The following PTPRT variants were observed in gnomAD, a reference collection of about 807,000 sequenced individuals.
PTPRT encodes receptor-type tyrosine-protein phosphatase T.
Under a neutral mutation model 176.8 loss-of-function variants are expected in PTPRT, and 56 were observed. The observed-to-expected ratio is 0.32, with a 90% CI of 0.26 to 0.40. PTPRT has a LOEUF of 0.40. Among genes scored for constraint, PTPRT ranks in the 10% least tolerant of loss-of-function variants. The pLI is 1.00. For missense variants in PTPRT, 1,540 were observed against 1,908.2 expected, an observed-to-expected ratio of 0.81 and a Z score of 3.60; for synonymous variants, 783 against 739.0, an observed-to-expected ratio of 1.06 and a Z score of -0.96.
At chr20:43,143,121 TG>T (rs2146404557) in intron 1 of PTPRT, among the ~76,000 whole-genome samples, 1 of 152,284 alleles carries the variant, frequency 6.6e-6, no homozygotes, top group Admixed American at 6.5e-5. Context: ...TAAGGAACGG[TG>T]TTGATGAGCA....
At chr20:42,379,710 C>T (rs1481848382) in intron 9 of PTPRT, among the ~76,000 whole-genome samples, 1 of 152,234 alleles carries the variant, frequency 6.6e-6, no homozygotes, top group Non-Finnish European at 1.5e-5. Flanking sequence ...ATTGTAATTT[C>T]AAGGTAATTT....
chr20:42,109,956 A>G (rs1390787647), intron 23 of PTPRT, among the ~76,000 whole-genome samples: 6 of 152,136 alleles, frequency 3.9e-5, no homozygotes, highest in African/African-American at 1.4e-4. Flanking sequence ...CAGGAAGAGG[A>G]GTCTCTAAGA....
rs1278648858 is a variant in PTPRT, at chr20:42,617,466, G to A, written c.1153+60400C>T. 1.7e-4 allele frequency among the ~76,000 whole-genome samples: 22 copies of A among 132,726 alleles called. 3 individuals carry two copies. The highest frequency in any genetic ancestry group is 7.3e-4 in the African/African-American group (21 of 28,702). 87.1% of individuals were successfully genotyped at this position (132,726 alleles called of 152,430 possible). ...ATGCTGGCCTCATAAAATGAGTTAG[G>A]GAGGATTCCCTCTTTTTCTGTTGAT... On this transcript the variant is annotated intron_variant, in intron 7 of 30. Coordinates refer to ENST00000373187, the MANE Select transcript of PTPRT (RefSeq NM_007050.6).
At chr20:42,177,590 T>C (rs1476000545) in intron 16 of PTPRT, among the ~76,000 whole-genome samples, 3 of 152,220 alleles carry the variant, frequency 2.0e-5, no homozygotes, top group Admixed American at 1.3e-4. Context: ...TTGTTTTATA[T>C]AGTAGATTCC....
intron 6 of PTPRT, among the ~76,000 whole-genome samples, chr20:42,693,626 A>C (rs34890358): frequency 0.12 from 18,114 of 152,222 alleles, 1,324 homozygotes; most frequent in African/African-American, 0.19. Flanking sequence ...TGTATTCTCA[A>C]CAAAACAATT....
chr20:43,146,376 C>T (rs1295514129), intron 1 of PTPRT, among the ~76,000 whole-genome samples: 1 of 152,074 alleles, frequency 6.6e-6, no homozygotes, highest in Non-Finnish European at 1.5e-5. Context: ...CATCTCTAGA[C>T]CCTATGTAGT....
chr20:42,975,089 T>C (rs1485561797), intron 1 of PTPRT, among the ~76,000 whole-genome samples: 1 of 152,214 alleles, frequency 6.6e-6, no homozygotes, highest in African/African-American at 2.4e-5. Context: ...GGAAATAATC[T>C]GTGGAATATC....
intron 1 of PTPRT, among the ~76,000 whole-genome samples, chr20:42,923,925 G>A (rs925519405): frequency 6.6e-6 from 1 of 152,004 alleles, no homozygotes; most frequent in African/African-American, 2.4e-5. Context: ...GCTCACTGCA[G>A]CCTTCACCTC....
At chr20:42,219,577 A>G (rs1443379997) in intron 15 of PTPRT, among the ~76,000 whole-genome samples, 1 of 152,222 alleles carries the variant, frequency 6.6e-6, no homozygotes, top group Non-Finnish European at 1.5e-5. Flanking sequence ...TAACTTAACA[A>G]CAACAAAGAC....
chr20:42,064,229 G>C, the PTPRT span, among the ~76,000 whole-genome samples: 1 of 152,054 alleles, frequency 6.6e-6, no homozygotes, highest in Admixed American at 6.6e-5. Flanking sequence ...ATTCTTGTAT[G>C]TTTATGTTTT....
At chr20:43,127,731 TGG>T (rs2013500281) in intron 1 of PTPRT, among the ~76,000 whole-genome samples, 2 of 152,170 alleles carry the variant, frequency 1.3e-5, no homozygotes, top group Admixed American at 1.3e-4. Context: ...CTTCTCCACC[TGG>T]GCATTCCAAA....
intron 7 of PTPRT, among the ~76,000 whole-genome samples, chr20:42,613,072 C>T (rs1445248559): frequency 1.3e-5 from 2 of 152,226 alleles, no homozygotes; most frequent in African/African-American, 4.8e-5. Context: ...GTATTTTCCA[C>T]ATTTTCTTCC....
At chr20:43,051,148 A>T (rs1190296940) in intron 1 of PTPRT, among the ~76,000 whole-genome samples, 1 of 152,208 alleles carries the variant, frequency 6.6e-6, no homozygotes, top group African/African-American at 2.4e-5. Context: ...GTTCTAGCGA[A>T]AGTCTTTGAG....
At chr20:42,637,904 T>A (rs1233730603) in intron 7 of PTPRT, among the ~76,000 whole-genome samples, 1 of 152,094 alleles carries the variant, frequency 6.6e-6, no homozygotes, top group Non-Finnish European at 1.5e-5. Context: ...CAAACTTGCA[T>A]CTATGAAAAC....
intron 9 of PTPRT, among the ~76,000 whole-genome samples, chr20:42,405,710 T>C (rs2058955036): frequency 6.6e-6 from 1 of 152,300 alleles, no homozygotes; most frequent in African/African-American, 2.4e-5. Context: ...ATATACCCAG[T>C]AATGGGATGG....
intron 9 of PTPRT, among the ~76,000 whole-genome samples, chr20:42,396,585 G>A (rs553806077): frequency 9.2e-5 from 14 of 152,152 alleles, no homozygotes; most frequent in Admixed American, 4.6e-4. Context: ...TGTTTGAGAC[G>A]CAGTCTTGCT....
intron 2 of PTPRT, among the ~76,000 whole-genome samples, chr20:42,801,035 T>C (rs1176982076): frequency 1.3e-5 from 2 of 152,042 alleles, no homozygotes; most frequent in East Asian, 3.9e-4. Context: ...GGGGAGAGCA[T>C]CCATCTATTT....
At chr20:42,852,480 A>G (rs958457332) in intron 2 of PTPRT, among the ~76,000 whole-genome samples, 3 of 152,124 alleles carry the variant, frequency 2.0e-5, no homozygotes, top group Non-Finnish European at 4.4e-5. Context: ...TTTATTTCGT[A>G]TCTGGTCCCT....
chr20:42,719,251 A>C (rs1330120435), intron 6 of PTPRT, among the ~76,000 whole-genome samples: 1 of 152,236 alleles, frequency 6.6e-6, no homozygotes, highest in African/African-American at 2.4e-5. Flanking sequence ...CTCCCTGGTC[A>C]TAATTAAAAT....
Sources: gnomAD v4.1 joint callset for allele counts (sites outside exome capture counted in the v4.1 genomes callset) on GRCh38, gnomAD v4.1.1 for gene constraint, MANE v1.5 for transcripts, NCBI Gene and HGNC (gene_info 2026-07-23, HGNC 2026-07-21) for gene names.